Variants in BCAR3 observed in about 807,000 individuals in gnomAD.
The protein encoded by BCAR3 is breast cancer anti-estrogen resistance protein 3.
A neutral mutation model predicts 80.1 loss-of-function variants in BCAR3; 37 were observed. The ratio of observed to expected loss-of-function variants is 0.46; its 90% confidence interval spans 0.36 to 0.61. BCAR3 has a LOEUF of 0.61. BCAR3 is among the 20% of genes least tolerant of loss of function. The probability of loss-of-function intolerance (pLI) is 0.00; values close to 1 mark genes in which losing one functional copy is unlikely to be tolerated. For synonymous variants in BCAR3, 389 were observed against 418.9 expected (o/e 0.93, Z 0.87); for missense variants, 978 against 1,068.2 (o/e 0.92, Z 1.18).
At chr1:93,835,045 AGG>A (rs1340969123) in intron 2 of BCAR3, among the ~76,000 whole-genome samples, 1 of 136,296 alleles carries the variant, frequency 7.3e-6, no homozygotes, top group Non-Finnish European at 1.6e-5. Context: ...ACATCTATCG[AGG>A]CTACTGCTCT....
chr1:93,662,394 T>G (rs1425293965), intron 2 of BCAR3, among the ~76,000 whole-genome samples: 1 of 152,202 alleles, frequency 6.6e-6, no homozygotes, highest in Non-Finnish European at 1.5e-5. Flanking sequence ...GTGCTAGTCT[T>G]TCTTTCTCCC....
At chr1:93,789,510 G>T (rs1653067762) in intron 2 of BCAR3, among the ~76,000 whole-genome samples, 1 of 152,196 alleles carries the variant, frequency 6.6e-6, no homozygotes, top group Non-Finnish European at 1.5e-5. Flanking sequence ...ATACGTATTA[G>T]TATATTTATT....
chr1:93,836,157 G>A (rs770266966), intron 2 of BCAR3, among the ~76,000 whole-genome samples: 5 of 152,134 alleles, frequency 3.3e-5, no homozygotes, highest in Admixed American at 2.6e-4. Flanking sequence ...GCCTGTCCTC[G>A]AGATGCTACA....
intron 2 of BCAR3, among the ~76,000 whole-genome samples, chr1:93,813,345 C>T (rs1180065649): frequency 4.6e-5 from 7 of 152,272 alleles, no homozygotes; most frequent in Middle Eastern, 3.4e-3. Flanking sequence ...CCACACTTTA[C>T]TAAAAAGAGG....
At chr1:93,651,882 T>C (rs1676336633) in intron 2 of BCAR3, among the ~76,000 whole-genome samples, 1 of 152,098 alleles carries the variant, frequency 6.6e-6, no homozygotes, top group Non-Finnish European at 1.5e-5. Flanking sequence ...TCAGCACTGA[T>C]CTCATCAGGC....
chr1:93,661,332 C>T (rs771614131), intron 2 of BCAR3, among the ~76,000 whole-genome samples: 11 of 152,106 alleles, frequency 7.2e-5, no homozygotes, highest in African/African-American at 2.7e-4. Flanking sequence ...AGCCACTGCA[C>T]CCGGCCTACA....
rs563484248 is a variant in BCAR3, at chr1:93,681,589, G to A, written c.-12+9C>T. ...CCCCGAGGACGCTGGGCGCGCGGCG[G>A]AGACTCACCTCCCGGCGCGGCGCTG... On this transcript the variant is annotated intron_variant, in intron 1 of 11. Transcript: ENST00000260502. 2 of 151,832 alleles carry A rather than the reference G, an allele frequency of 1.3e-5. No individual in the cohort carries two copies. The highest frequency in any genetic ancestry group is 2.4e-5 in the African/African-American group (1 of 41,230). The allele number at this position is 151,832 out of a possible 1,614,324, so 9.4% of individuals were successfully genotyped here.
At chr1:93,739,356 G>T (rs184986465) in intron 2 of BCAR3, among the ~76,000 whole-genome samples, 1 of 152,042 alleles carries the variant, frequency 6.6e-6, no homozygotes, top group Non-Finnish European at 1.5e-5. Flanking sequence ...AATAGAAGGG[G>T]TGCCTAGATG....
In BCAR3 at chr1:93,567,354, T is replaced by TCA. The variant is rs749768489; in HGVS notation, c.2222_2223dup (p.Asn742Ter). 1 of 1,614,210 alleles carries TCA rather than the reference T, an allele frequency of 6.2e-7. No homozygotes were observed. The highest frequency in any genetic ancestry group is 8.5e-7 in the Non-Finnish European group (1 of 1,180,034). Reference sequence around the variant, plus strand: ...ATGAATCGCGCTGTTGCCAAATGGTTCAGCATGATTTCACAGCTCTGGTCG... The same window carrying TCA: ...ATGAATCGCGCTGTTGCCAAATGGTTCACAGCATGATTTCACAGCTCTGGTCG... On this transcript the variant is annotated frameshift_variant, in exon 11 of 12. Transcript: ENST00000260502. LOFTEE classifies it high-confidence loss of function.
intron 3 of BCAR3, among the ~76,000 whole-genome samples, chr1:93,625,979 C>T (rs1675445377): frequency 6.6e-6 from 1 of 152,216 alleles, no homozygotes; most frequent in Non-Finnish European, 1.5e-5. Flanking sequence ...CATAACCCAG[C>T]CTTGGCCTCA....
intron 5 of BCAR3, among the ~76,000 whole-genome samples, chr1:93,585,688 AAGG>A (rs1267705547): frequency 6.6e-6 from 1 of 152,144 alleles, no homozygotes; most frequent in Admixed American, 6.5e-5. Context: ...TTACTATGAA[AAGG>A]AGGATTTCTA....
chr1:93,686,094 G>T (rs953244855), upstream of BCAR3, among the ~76,000 whole-genome samples: 1 of 152,148 alleles, frequency 6.6e-6, no homozygotes, highest in Non-Finnish European at 1.5e-5. Context: ...ATTTTAGGAA[G>T]CAAGTAGAAT....
chr1:93,562,434 T>C lies in BCAR3; in HGVS notation c.2300-15A>G. 6.2e-7 allele frequency: 1 copy of C among 1,610,570 alleles called. No homozygotes were observed. The highest frequency in any genetic ancestry group is 8.5e-7 in the Non-Finnish European group (1 of 1,178,338). The stretch of plus-strand genomic sequence containing the variant: ...TGGTTGAAAACCTAATGAAACAAAA[T>C]AAACAAAAAGTTACTTCAGTTCTGC... On this transcript the variant is annotated splice_polypyrimidine_tract_variant and intron_variant, in intron 11 of 11. Coordinates refer to ENST00000260502, the MANE Select transcript of BCAR3 (RefSeq NM_003567.4).
intron 3 of BCAR3, among the ~76,000 whole-genome samples, chr1:93,618,932 T>G (rs998267683): frequency 6.0e-5 from 9 of 150,900 alleles, no homozygotes; most frequent in South Asian, 2.1e-4. Context: ...GGGTTTTTTT[T>G]TTTTTTGTTT....
intron 2 of BCAR3, among the ~76,000 whole-genome samples, chr1:93,645,356 A>G (rs944946982): frequency 6.6e-6 from 1 of 152,182 alleles, no homozygotes; most frequent in African/African-American, 2.4e-5. Context: ...AGTACTCTGT[A>G]GGTTTTATGG....
At chr1:93,782,749 G>T (rs894830681) in intron 2 of BCAR3, among the ~76,000 whole-genome samples, 2 of 152,184 alleles carry the variant, frequency 1.3e-5, no homozygotes, top group African/African-American at 4.8e-5. Context: ...CTCAGGGCAG[G>T]ACATTCTTTC....
intron 3 of BCAR3, among the ~76,000 whole-genome samples, chr1:93,595,598 C>T (rs1674387586): frequency 6.6e-6 from 1 of 152,178 alleles, no homozygotes; most frequent in South Asian, 2.1e-4. Context: ...CTACTGCCTT[C>T]GTCACATAAA....
chr1:93,745,935 T>G (rs1056165580), intron 2 of BCAR3, among the ~76,000 whole-genome samples: 7 of 151,996 alleles, frequency 4.6e-5, no homozygotes. Context: ...TCTGGGGGAG[T>G]GTGATAAGTG....
At chr1:93,767,993 C>G (rs1571111636) in intron 2 of BCAR3, among the ~76,000 whole-genome samples, 1 of 143,830 alleles carries the variant, frequency 7.0e-6, no homozygotes, top group South Asian at 2.2e-4. Context: ...GAGGTTTGTG[C>G]TCTGCCTTAG....
Sources: gnomAD v4.1 joint callset for allele counts (sites outside exome capture counted in the v4.1 genomes callset) on GRCh38, gnomAD v4.1.1 for gene constraint, MANE v1.5 for transcripts, NCBI Gene and HGNC (gene_info 2026-07-23, HGNC 2026-07-21) for gene names.